The following PSTPIP1 variants were observed in gnomAD, a reference collection of about 807,000 sequenced individuals.
PSTPIP1 encodes proline-serine-threonine phosphatase interacting protein 1.
A neutral mutation model predicts 69.6 loss-of-function variants in PSTPIP1; 66 were observed. The ratio of observed to expected loss-of-function variants is 0.95; its 90% CI spans 0.78 to 1.16. PSTPIP1 has a LOEUF of 1.16. Among genes scored for constraint, PSTPIP1 ranks in the 50% most tolerant of loss-of-function variants. PSTPIP1 has a pLI of 0.00. For missense variants in PSTPIP1, 603 were observed against 557.4 expected, an observed-to-expected ratio of 1.08 and a Z score of -0.82; for synonymous variants, 266 against 222.7, an observed-to-expected ratio of 1.19 and a Z score of -1.73.
chr15:77,033,634 G>GCCACCACTC (rs1035817623), intron 12 of PSTPIP1, among the ~76,000 whole-genome samples: 2 of 152,088 alleles, frequency 1.3e-5, no homozygotes, highest in Non-Finnish European at 2.9e-5. Context: ...CCACCGCCAT[G>GCCACCACTC]CCACCACTCT....
intron 3 of PSTPIP1, among the ~76,000 whole-genome samples, chr15:77,018,970 C>G (rs563446112): frequency 6.6e-6 from 1 of 152,204 alleles, no homozygotes; most frequent in Non-Finnish European, 1.5e-5. Context: ...CCTCACCCCC[C>G]AGCTGTCTGA....
At chr15:77,016,250 C>G (rs1568497276) in intron 1 of PSTPIP1, among the ~76,000 whole-genome samples, 1 of 152,014 alleles carries the variant, frequency 6.6e-6, no homozygotes, top group African/African-American at 2.4e-5. Context: ...GTTCTCAGGG[C>G]GGGGGGGTCT....
chr15:77,007,786 G>A lies in PSTPIP1; in HGVS notation c.37-10362G>A, dbSNP rs150588740. The A allele has an allele frequency of 1.3e-3, 500 of 394,870 alleles. 2 individuals are homozygous for A. Among genetic ancestry groups the A allele is most frequent in the African/African-American group, 9.5e-3 (456 of 48,080 alleles). The allele number at this position is 394,870 out of a possible 1,614,324, so 24.5% of individuals were successfully genotyped here. A position where few individuals can be genotyped will look rare whatever the true frequency, so the allele number is the denominator to read the frequency against. On this transcript the variant is annotated intron_variant, in intron 1 of 14. Coordinates refer to ENST00000558012, the MANE Select transcript of PSTPIP1 (RefSeq NM_003978.5). ...ATTTTTTTGTATTTTTAGTAGAGAC[G>A]GGGTTTCACTGGTTAGCCAGGATGG...
At chr15:77,037,017 C>A (rs373047005) in intron 14 of PSTPIP1, 28 bp from the exon 15 acceptor site, 20 of 1,606,970 alleles carry the variant, frequency 1.2e-5, no homozygotes, top group Non-Finnish European at 1.7e-5. Flanking sequence ...GCCCTTCCAA[C>A]GTCATGCGCT....
At chr15:77,029,905 T>C (rs1237000402) in intron 8 of PSTPIP1, among the ~76,000 whole-genome samples, 1 of 152,092 alleles carries the variant, frequency 6.6e-6, no homozygotes, top group Non-Finnish European at 1.5e-5. Context: ...CCATCGGGCT[T>C]CAGAGCCCAG....
chr15:77,020,169 A>G (rs2469198), intron 3 of PSTPIP1, among the ~76,000 whole-genome samples: 149,806 of 152,306 alleles, frequency 0.98, 73,722 homozygotes, highest in Middle Eastern at 1. Flanking sequence ...CTCAGGAAGC[A>G]GGAGGTACGC....
intron 3 of PSTPIP1, among the ~76,000 whole-genome samples, chr15:77,022,496 G>A (rs2076181616): frequency 6.6e-6 from 1 of 152,230 alleles, no homozygotes; most frequent in African/African-American, 2.4e-5. Context: ...TCTTCAACAT[G>A]CGATGGAGAC....
chr15:76,997,467 G>C (rs2075605755), intron 1 of PSTPIP1, among the ~76,000 whole-genome samples: 1 of 152,242 alleles, frequency 6.6e-6, no homozygotes, highest in Non-Finnish European at 1.5e-5. Context: ...GAGCACGAAA[G>C]ATGTGCCAGG....
At chr15:76,996,876 G>A (rs1281022206) in intron 1 of PSTPIP1, among the ~76,000 whole-genome samples, 1 of 152,176 alleles carries the variant, frequency 6.6e-6, no homozygotes, top group Admixed American at 6.5e-5. Flanking sequence ...CTGGGGGATG[G>A]GGGATGTGAG....
intron 1 of PSTPIP1, among the ~76,000 whole-genome samples, chr15:77,013,743 T>C (rs2075992829): frequency 6.6e-6 from 1 of 152,160 alleles, no homozygotes; most frequent in Non-Finnish European, 1.5e-5. Flanking sequence ...CCAGGGAAGA[T>C]TTTGGTGCCA....
chr15:77,034,290 G>GCTTGCACCCTGTCCTTTGCTGC (rs2076500472), intron 12 of PSTPIP1, among the ~76,000 whole-genome samples: 2 of 152,124 alleles, frequency 1.3e-5, no homozygotes, highest in African/African-American at 4.8e-5. Flanking sequence ...GCCCCTGCTG[G>GCTTGCACCCTGTCCTTTGCTGC]CTTGCACCCT....
rs541638695 is a variant in PSTPIP1 at position 77,019,278 on chromosome 15, G to A, written c.212+747G>A. ...GAAGGCCCAGACTGTCCCCCTGGGTGAGGACAGAGCCAGGCCAAGGGGCAG... is the reference window on the plus strand; with the variant it reads ...GAAGGCCCAGACTGTCCCCCTGGGTAAGGACAGAGCCAGGCCAAGGGGCAG... On this transcript the variant is annotated intron_variant, in intron 3 of 14. Transcript: ENST00000558012. Among the ~76,000 whole-genome samples the A allele has an allele frequency of 3.3e-4, 51 of 152,340 alleles. 1 individual carries two copies. The highest frequency in any genetic ancestry group is 1.1e-3 in the African/African-American group (45 of 41,580).
intron 6 of PSTPIP1, 46 bp from the exon 7 acceptor site, chr15:77,028,508 G>A (rs2076339161): frequency 6.7e-7 from 1 of 1,499,528 alleles, no homozygotes; most frequent in Non-Finnish European, 9.1e-7. Flanking sequence ...GGGGACCACA[G>A]AACAGGGCTG....
rs145555071 is a variant in PSTPIP1 at position 77,001,240 on chromosome 15, G to T, written c.36+5631G>T. 6.0e-4 allele frequency among the ~76,000 whole-genome samples: 91 copies of T among 152,350 alleles called. 1 individual carries two copies. The South Asian group carries it at 6.0e-3, about 10-fold the overall frequency. ...GGGATTATTTCTTTGGGCAGAGGAG[G>T]CTAATGGCTATTTTCCAGGGAAGGA... is the stretch of plus-strand genomic sequence containing the variant. On this transcript the variant is annotated intron_variant, in intron 1 of 14. Coordinates refer to ENST00000558012, the MANE Select transcript of PSTPIP1 (RefSeq NM_003978.5).
chr15:76,994,998 G>T, upstream of PSTPIP1: 1 of 1,181,078 alleles, frequency 8.5e-7, no homozygotes. Flanking sequence ...AAGTGAGCCC[G>T]CACCTCGGGA....
intron 1 of PSTPIP1, among the ~76,000 whole-genome samples, chr15:77,013,572 CCGTTCCCTACAGCCTTCCACTT>C (rs1233510677): frequency 6.6e-6 from 1 of 152,170 alleles, no homozygotes; most frequent in East Asian, 1.9e-4. Context: ...CCTGACCACT[CCGTTCCCTACAGCCTTCCACTT>C]CCAACCTCTC....
chr15:77,030,408 C>A (rs1406104959), intron 8 of PSTPIP1, 94 bp from the exon 9 acceptor site: 4 of 1,333,180 alleles, frequency 3.0e-6, no homozygotes, highest in Non-Finnish European at 4.2e-6. Context: ...GGCGGGGCTC[C>A]CAGTGGGAGG....
rs188633961 is a variant in PSTPIP1 at position 77,037,322 on chromosome 15, G to A, written c.*146G>A. ...CGTCTCCCAGGGAATAAAGGAGTGCGTTCTGTTCTCCTTGGTGTGCTGGGG... is the reference window on the plus strand; with the variant it reads ...CGTCTCCCAGGGAATAAAGGAGTGCATTCTGTTCTCCTTGGTGTGCTGGGG... On this transcript the variant is annotated 3_prime_UTR_variant, in exon 15 of 15. Coordinates refer to ENST00000558012, the MANE Select transcript of PSTPIP1 (RefSeq NM_003978.5). 175 of 1,077,992 alleles carry A rather than the reference G, an allele frequency of 1.6e-4. No homozygotes were observed. The African/African-American group carries it at 1.7e-3, about 10-fold the overall frequency. The allele number at this position is 1,077,992 out of a possible 1,614,324, so 66.8% of individuals were successfully genotyped here.
At chr15:77,033,864 C>T (rs763622460) in intron 12 of PSTPIP1, among the ~76,000 whole-genome samples, 9 of 152,216 alleles carry the variant, frequency 5.9e-5, no homozygotes, top group Non-Finnish European at 8.8e-5. Flanking sequence ...AGCAGTGACC[C>T]CAGGAGGCAG....
Sources: gnomAD v4.1 joint callset for allele counts (sites outside exome capture counted in the v4.1 genomes callset) on GRCh38, gnomAD v4.1.1 for gene constraint, MANE v1.5 for transcripts, NCBI Gene and HGNC (gene_info 2026-07-23, HGNC 2026-07-21) for gene names.